The following NFKB1 variants were observed in gnomAD, a reference collection of about 807,000 sequenced individuals.
The protein encoded by NFKB1 is nuclear factor kappa B subunit 1, also known as nuclear factor NF-kappa-B p105 subunit.
Under a neutral mutation model 105.1 loss-of-function variants are expected in NFKB1, and 9 were observed. The ratio of observed to expected loss-of-function variants is 0.09; its 90% CI spans 0.05 to 0.15. The LOEUF (loss-of-function observed/expected upper bound fraction) is 0.15. Among genes scored for constraint, NFKB1 ranks in the 10% least tolerant of loss-of-function variants. NFKB1 has a pLI of 1.00. For synonymous variants in NFKB1, 440 were observed against 442.2 expected (o/e 1.00, Z 0.06); for missense variants, 830 against 1,203.7 (o/e 0.69, Z 4.59).
intron 4 of NFKB1, among the ~76,000 whole-genome samples, chr4:102,534,350 T>C (rs1352623806): frequency 6.6e-6 from 1 of 152,186 alleles, no homozygotes; most frequent in Non-Finnish European, 1.5e-5. Context: ...CTTTGGAACA[T>C]GTAACCTAAC....
chr4:102,616,819 T>G lies in NFKB1; in HGVS notation c.*225T>G. On this transcript the variant is annotated 3_prime_UTR_variant, in exon 24 of 24. Transcript: ENST00000226574. Reference sequence around the variant, plus strand: ...AGTATCTAGCAATCACAACACTGGCTGAGCGGATGCATCTGGGGATGAGGT... The same window carrying G: ...AGTATCTAGCAATCACAACACTGGCGGAGCGGATGCATCTGGGGATGAGGT... 2.4e-6 allele frequency: 1 copy of G among 421,530 alleles called. No homozygotes were observed. Among genetic ancestry groups the G allele is most frequent in the Non-Finnish European group, 4.3e-6 (1 of 232,530 alleles). 26.1% of individuals were successfully genotyped at this position (421,530 alleles called of 1,614,324 possible).
intron 23 of NFKB1, among the ~76,000 whole-genome samples, chr4:102,614,180 C>T (rs1251515491): frequency 6.6e-6 from 1 of 152,198 alleles, no homozygotes; most frequent in Non-Finnish European, 1.5e-5. Context: ...AAACCAGAAC[C>T]CTCTCACCTT....
chr4:102,601,238 C>T (rs978756456), intron 16 of NFKB1, among the ~76,000 whole-genome samples: 1 of 152,148 alleles, frequency 6.6e-6, no homozygotes, highest in Admixed American at 6.5e-5. Context: ...TTCAGCATCC[C>T]GCTGGGGGAA....
At chr4:102,518,423 G>A (rs1361844324) in intron 1 of NFKB1, among the ~76,000 whole-genome samples, 1 of 152,022 alleles carries the variant, frequency 6.6e-6, no homozygotes, top group Non-Finnish European at 1.5e-5. Context: ...AGTACAAAGT[G>A]GGCTTTGACT....
Position 102,541,079 on chromosome 4 carries a change from T to G in NFKB1, c.258+3123T>G, listed in dbSNP as rs141629706. On this transcript the variant is annotated intron_variant, in intron 5 of 23. Transcript: ENST00000226574. The stretch of plus-strand genomic sequence containing the variant: ...ATTGACATTTGGGGCTTGAAAATTC[T>G]GTGTTGTGGGAGGCTGTCTGACACG... 1.1e-4 allele frequency among the ~76,000 whole-genome samples: 17 copies of G among 152,304 alleles called. No homozygotes were observed. The East Asian group carries it at 3.3e-3, about 29-fold the overall frequency.
intron 15 of NFKB1, among the ~76,000 whole-genome samples, chr4:102,598,669 A>AGTTAGC (rs1285733344): frequency 6.6e-6 from 1 of 152,250 alleles, no homozygotes; most frequent in African/African-American, 2.4e-5. Context: ...TAAATAATCC[A>AGTTAGC]GTTAGCATTC....
chr4:102,561,522 A>T (rs763719742), intron 5 of NFKB1, among the ~76,000 whole-genome samples: 1 of 152,196 alleles, frequency 6.6e-6, no homozygotes, highest in Non-Finnish European at 1.5e-5. Flanking sequence ...AAGTAGAACT[A>T]TGAAACACTG....
chr4:102,609,826 T>C (rs36205989), intron 19 of NFKB1, among the ~76,000 whole-genome samples: 1 of 152,286 alleles, frequency 6.6e-6, no homozygotes, highest in Middle Eastern at 3.4e-3. Context: ...ACCCATCTGA[T>C]GTTCTCCCAG....
At chr4:102,511,892 C>G (rs1378679410) in intron 1 of NFKB1, among the ~76,000 whole-genome samples, 2 of 152,182 alleles carry the variant, frequency 1.3e-5, no homozygotes, top group African/African-American at 4.8e-5. Flanking sequence ...AGGACCCCTT[C>G]CCTCCACTGT....
intron 1 of NFKB1, among the ~76,000 whole-genome samples, chr4:102,512,202 A>G (rs1486209357): frequency 6.6e-6 from 1 of 152,250 alleles, no homozygotes; most frequent in African/African-American, 2.4e-5. Flanking sequence ...TTTGCTTAAT[A>G]CCAAGTAGCC....
intron 1 of NFKB1, among the ~76,000 whole-genome samples, chr4:102,511,117 C>G (rs149699957): frequency 6.1e-4 from 92 of 151,754 alleles, no homozygotes; most frequent in African/African-American, 2.0e-3. Context: ...TTTTTGACCT[C>G]CAGCTTTAGT....
chr4:102,600,880 G>A lies in NFKB1; in HGVS notation c.1638-15G>A. Reference sequence around the variant, plus strand: ...AACATTTTAGTTAATTATTGCCACTGTGTTTTCATTCCAGTGTCTTACACT... The same window carrying A: ...AACATTTTAGTTAATTATTGCCACTATGTTTTCATTCCAGTGTCTTACACT... On this transcript the variant is annotated splice_polypyrimidine_tract_variant and intron_variant, in intron 15 of 23. Coordinates refer to ENST00000226574, the MANE Select transcript of NFKB1 (RefSeq NM_003998.4). The A allele has an allele frequency of 1.4e-6, 2 of 1,383,584 alleles. No individual in the cohort carries two copies. The highest frequency in any genetic ancestry group is 2.1e-6 in the Non-Finnish European group (2 of 973,012). The allele number at this position is 1,383,584 out of a possible 1,614,324, so 85.7% of individuals were successfully genotyped here.
intron 3 of NFKB1, among the ~76,000 whole-genome samples, chr4:102,533,168 T>A (rs1741409050): frequency 6.6e-6 from 1 of 152,206 alleles, no homozygotes; most frequent in Admixed American, 6.5e-5. Flanking sequence ...TCAAAAGTTA[T>A]GGATTAATAT....
intron 7 of NFKB1, 182 bp from the exon 8 acceptor site, chr4:102,578,699 C>G: frequency 1.8e-6 from 1 of 550,742 alleles, no homozygotes; most frequent in Middle Eastern, 4.2e-4. Context: ...TTCTTTGATG[C>G]CTTTCATATT....
chr4:102,596,355 T>G, intron 14 of NFKB1, 23 bp downstream of exon 14: 1 of 1,572,600 alleles, frequency 6.4e-7, no homozygotes, highest in Non-Finnish European at 8.7e-7. Flanking sequence ...ACAAATTACG[T>G]TCTGTTGGTT....
rs115511558 is a variant in NFKB1 at position 102,515,011 on chromosome 4, C to A, written c.-7-10501C>A. Among the ~76,000 whole-genome samples the A allele has an allele frequency of 2.8e-3, 424 of 151,500 alleles. 3 individuals are homozygous for A. Among genetic ancestry groups the A allele is most frequent in the African/African-American group, 9.5e-3 (393 of 41,318 alleles). On this transcript the variant is annotated intron_variant, in intron 1 of 23. Transcript: ENST00000226574. Reference sequence around the variant, plus strand: ...ATTAAAGTACAATTCTTATGAAAAGCGTATACTTTAATCTTGTTTTTTAAA... The same window carrying A: ...ATTAAAGTACAATTCTTATGAAAAGAGTATACTTTAATCTTGTTTTTTAAA...
chr4:102,603,945 C>G lies in NFKB1; in HGVS notation c.1753-2551C>G, dbSNP rs538164396. On this transcript the variant is annotated intron_variant, in intron 16 of 23. Coordinates refer to ENST00000226574, the MANE Select transcript of NFKB1 (RefSeq NM_003998.4). ...ATTCTCCTTCCCCCAACATAGACAA[C>G]CACTCTATCGTGTTTGGTATGGATT... 2.0e-5 allele frequency among the ~76,000 whole-genome samples: 3 copies of G among 152,270 alleles called. No individual in the cohort carries two copies. The South Asian group carries it at 6.2e-4, about 32-fold the overall frequency.
At chr4:102,569,183 T>G (rs1724114294) in intron 6 of NFKB1, among the ~76,000 whole-genome samples, 1 of 152,140 alleles carries the variant, frequency 6.6e-6, no homozygotes. Flanking sequence ...ATGTCAAAAC[T>G]TATTGCATTT....
At chr4:102,504,687 A>G (rs751318691) in intron 1 of NFKB1, among the ~76,000 whole-genome samples, 1 of 152,196 alleles carries the variant, frequency 6.6e-6, no homozygotes, top group Non-Finnish European at 1.5e-5. Context: ...TGCACCTCCC[A>G]TAAATACTGA....
Sources: allele counts gnomAD v4.1 joint callset (sites outside exome capture counted in the v4.1 genomes callset), GRCh38; gene constraint gnomAD v4.1.1; transcripts MANE v1.5; gene names NCBI Gene and HGNC (gene_info 2026-07-23, HGNC 2026-07-21).